Variants in ITPRID1 observed in about 807,000 individuals in gnomAD.
ITPRID1 encodes ITPR interacting domain containing 1.
ITPRID1 carries 96 observed loss-of-function variants against 95.4 expected under a neutral mutation model. That is an observed-to-expected ratio of 1.01 (90% CI 0.85 to 1.19). The LOEUF (loss-of-function observed/expected upper bound fraction) is 1.19, where lower values mean the gene tolerates loss of function less well. Among genes scored for constraint, ITPRID1 ranks in the 50% most tolerant of loss-of-function variants. ITPRID1 has a pLI of 0.00. For missense variants in ITPRID1, 1,339 were observed against 1,252.9 expected (o/e 1.07, Z -1.04); for synonymous variants, 510 against 453.6 (o/e 1.12, Z -1.58).
intron 1 of ITPRID1, among the ~76,000 whole-genome samples, chr7:31,532,845 A>G (rs371686346): frequency 2.0e-5 from 3 of 152,208 alleles, no homozygotes; most frequent in South Asian, 4.1e-4. Context: ...ATATTTTAAT[A>G]ATAAACCAAT....
chr7:31,643,583 C>G lies in ITPRID1; in HGVS notation c.2213C>G (p.Thr738Ser). 2 of 1,614,018 alleles carry G rather than the reference C, an allele frequency of 1.2e-6. No homozygotes were observed. Among genetic ancestry groups the G allele is most frequent in the Non-Finnish European group, 8.5e-7 (1 of 1,179,898 alleles). ...TGPRGTSLEC[T>S]VCDPVTATET... ...CCCAGAGGAACATCTTTAGAATGCACTGTGTGTGATCCTGTTACCGCAACA... is the reference window on the plus strand; with the variant it reads ...CCCAGAGGAACATCTTTAGAATGCAGTGTGTGTGATCCTGTTACCGCAACA... The change falls in exon 12 of 15, where the codon ACT becomes AGT. Residue 738 changes from threonine (T) to serine (S), a missense_variant. Coordinates refer to ENST00000615280, the MANE Select transcript of ITPRID1 (RefSeq NM_001257967.3).
intron 7 of ITPRID1, among the ~76,000 whole-genome samples, chr7:31,573,405 G>GA (rs528745047): frequency 4.0e-5 from 6 of 150,200 alleles, no homozygotes; most frequent in Non-Finnish European, 8.9e-5. Context: ...AATAATTAAA[G>GA]AAAAAAAAGA....
At chr7:31,564,481 C>T (rs1784728501) in intron 5 of ITPRID1, among the ~76,000 whole-genome samples, 1 of 152,010 alleles carries the variant, frequency 6.6e-6, no homozygotes, top group Non-Finnish European at 1.5e-5. Flanking sequence ...ACCAGGGTAT[C>T]CTGGAGGGGA....
At chr7:31,568,910 C>T (rs148920647) in intron 5 of ITPRID1, among the ~76,000 whole-genome samples, 296 of 152,284 alleles carry the variant, frequency 1.9e-3, no homozygotes, top group Non-Finnish European at 3.5e-3. Flanking sequence ...ATCCTACTAG[C>T]CATGAGAAAT....
intron 5 of ITPRID1, among the ~76,000 whole-genome samples, chr7:31,556,696 G>A (rs759864463): frequency 4.6e-5 from 7 of 152,046 alleles, no homozygotes; most frequent in Admixed American, 1.3e-4. Flanking sequence ...GACCCAAAGA[G>A]GAGGAAGAAA....
chr7:31,532,418 C>G (rs1783629183), intron 1 of ITPRID1, among the ~76,000 whole-genome samples: 2 of 152,244 alleles, frequency 1.3e-5, no homozygotes, highest in South Asian at 4.2e-4. Flanking sequence ...AGCAGACATC[C>G]TTGTGTCATT....
At chr7:31,571,766 C>T (rs550922251) in intron 6 of ITPRID1, among the ~76,000 whole-genome samples, 11 of 152,326 alleles carry the variant, frequency 7.2e-5, no homozygotes, top group African/African-American at 2.6e-4. Flanking sequence ...ATAATTTTAA[C>T]TTCTTCCTGA....
chr7:31,551,898 T>G, intron 2 of ITPRID1: 1 of 417,364 alleles, frequency 2.4e-6, no homozygotes, highest in South Asian at 1.7e-5. Flanking sequence ...CGAATGCAAA[T>G]TAAAGCATAT....
rs1258366690 is a variant in ITPRID1, at chr7:31,574,607, G to T, written c.463G>T (p.Ala155Ser). The T allele has an allele frequency of 6.2e-7, 1 of 1,613,924 alleles. No individual in the cohort carries two copies. Among genetic ancestry groups the T allele is most frequent in the South Asian group, 1.1e-5 (1 of 91,080 alleles). The change falls in exon 8 of 15, where the codon GCT (alanine) becomes TCT (serine). Residue 155 changes from alanine (A) to serine (S), a missense_variant. Ala to Ser is a moderately conservative substitution (Grantham distance 99). Coordinates refer to ENST00000615280, the MANE Select transcript of ITPRID1 (RefSeq NM_001257967.3). Reference protein sequence around the residue: ...VEILLDLGFGADEPDICMQIP... With the variant: ...VEILLDLGFGSDEPDICMQIP... ...GATTCTCTTGGATCTGGGGTTTGGT[G>T]CTGATGAGCCAGACATCTGCATGCA...
intron 1 of ITPRID1, among the ~76,000 whole-genome samples, chr7:31,542,809 C>T (rs746789529): frequency 6.6e-6 from 1 of 152,066 alleles, no homozygotes; most frequent in African/African-American, 2.4e-5. Flanking sequence ...TATATGCAAA[C>T]AAAAATGTAT....
At chr7:31,595,205 C>A (rs1462582570) in intron 10 of ITPRID1, among the ~76,000 whole-genome samples, 2 of 151,504 alleles carry the variant, frequency 1.3e-5, no homozygotes, top group Non-Finnish European at 2.9e-5. Context: ...CCACCACACC[C>A]AGCTAATTTT....
At chr7:31,514,641 A>AT (rs1302736769) in intron 1 of ITPRID1, among the ~76,000 whole-genome samples, 2 of 152,198 alleles carry the variant, frequency 1.3e-5, no homozygotes, top group Admixed American at 1.3e-4. Context: ...AGCTAGTAAT[A>AT]TTTTTGTGTG....
At chr7:31,581,039 C>A (rs1479910907) in intron 9 of ITPRID1, among the ~76,000 whole-genome samples, 1 of 152,150 alleles carries the variant, frequency 6.6e-6, no homozygotes, top group Non-Finnish European at 1.5e-5. Flanking sequence ...TAGATTGCAT[C>A]TTAAACAGAA....
chr7:31,590,157 C>A (rs1025184064), intron 10 of ITPRID1, among the ~76,000 whole-genome samples: 2 of 152,116 alleles, frequency 1.3e-5, no homozygotes, highest in Non-Finnish European at 2.9e-5. Context: ...CAACCTTGAA[C>A]TCCTAGTGTC....
At chr7:31,594,089 C>A (rs751578789) in intron 10 of ITPRID1, among the ~76,000 whole-genome samples, 1 of 152,172 alleles carries the variant, frequency 6.6e-6, no homozygotes, top group Non-Finnish European at 1.5e-5. Context: ...CATATTTTAA[C>A]TGTACCTTTT....
intron 10 of ITPRID1, among the ~76,000 whole-genome samples, chr7:31,626,907 A>C (rs1232757709): frequency 3.3e-5 from 5 of 152,278 alleles, no homozygotes; most frequent in South Asian, 2.1e-4. Flanking sequence ...GGATAAACAA[A>C]TAAATATAGC....
chr7:31,543,354 TG>T (rs1165654791), intron 1 of ITPRID1, among the ~76,000 whole-genome samples: 1 of 152,054 alleles, frequency 6.6e-6, no homozygotes, highest in Non-Finnish European at 1.5e-5. Context: ...TTCAGTCGGC[TG>T]GGAAAAAACC....
intron 1 of ITPRID1, among the ~76,000 whole-genome samples, chr7:31,530,999 T>C (rs912900942): frequency 1.1e-4 from 16 of 152,246 alleles, no homozygotes; most frequent in Non-Finnish European, 4.4e-5. Context: ...ATTGATACTT[T>C]GTCTTTTGGG....
At chr7:31,637,513 CTT>C (rs2128204074) in intron 10 of ITPRID1, among the ~76,000 whole-genome samples, 2 of 152,208 alleles carry the variant, frequency 1.3e-5, no homozygotes, top group East Asian at 3.9e-4. Flanking sequence ...TTTCATGTGT[CTT>C]TTGGCTGCAT....
Sources: allele counts gnomAD v4.1 joint callset (sites outside exome capture counted in the v4.1 genomes callset), GRCh38; gene constraint gnomAD v4.1.1; transcripts MANE v1.5; gene names NCBI Gene and HGNC (gene_info 2026-07-23, HGNC 2026-07-21).